CRB1: variants seen among roughly 807,000 people sequenced by gnomAD.
CRB1 encodes protein crumbs homolog 1.
In CRB1, 83 loss-of-function variants were observed where a neutral mutation model predicts 120.0. That is an observed-to-expected ratio of 0.69 (90% CI 0.58 to 0.83). CRB1 has a LOEUF of 0.83. CRB1 is among the 40% of genes least tolerant of loss of function. CRB1 has a pLI of 0.00. For missense variants in CRB1, 1,699 were observed against 1,687.6 expected, an observed-to-expected ratio of 1.01 and a Z score of -0.12; for synonymous variants, 625 against 612.5, an observed-to-expected ratio of 1.02 and a Z score of -0.30.
chr1:197,317,101 G>T (rs1657899024), intron 1 of CRB1, among the ~76,000 whole-genome samples: 1 of 152,154 alleles, frequency 6.6e-6, no homozygotes, highest in African/African-American at 2.4e-5. Context: ...TGCACCTGCA[G>T]ATTCAGTGCA....
At chr1:197,354,806 A>C (rs1351941421) in intron 4 of CRB1, among the ~76,000 whole-genome samples, 9 of 55,588 alleles carry the variant, frequency 1.6e-4, no homozygotes, top group Admixed American at 2.9e-4. Context: ...TTATTCCCTT[A>C]TCTGCCCCCC....
chr1:197,281,222 G>C (rs1655503804), intron 1 of CRB1, among the ~76,000 whole-genome samples: 1 of 151,834 alleles, frequency 6.6e-6, no homozygotes, highest in Non-Finnish European at 1.5e-5. Flanking sequence ...GGACTTAATA[G>C]AAAAATGAAG....
At chr1:197,460,795 T>G (rs1666495115) in intron 11 of CRB1, among the ~76,000 whole-genome samples, 2 of 152,116 alleles carry the variant, frequency 1.3e-5, no homozygotes, top group South Asian at 4.1e-4. Context: ...ATTCTAGAAG[T>G]CTTAATATTT....
At chr1:197,383,701 T>A (rs1372612216) in intron 5 of CRB1, among the ~76,000 whole-genome samples, 2 of 152,206 alleles carry the variant, frequency 1.3e-5, no homozygotes, top group East Asian at 3.9e-4. Context: ...GTTTAGTTTT[T>A]CTTCCTCCAT....
At chr1:197,396,397 C>A (rs1182599996) in intron 5 of CRB1, among the ~76,000 whole-genome samples, 2 of 152,018 alleles carry the variant, frequency 1.3e-5, no homozygotes, top group South Asian at 2.1e-4. Flanking sequence ...TTAATTTTTG[C>A]AAATTTAATC....
At chr1:197,417,583 AAG>A (rs751583377) in intron 5 of CRB1, among the ~76,000 whole-genome samples, 1 of 152,212 alleles carries the variant, frequency 6.6e-6, no homozygotes, top group Middle Eastern at 3.2e-3. Context: ...CGCCAGTAAA[AAG>A]AGAGGCAACG....
chr1:197,282,943 T>C (rs1171209789), intron 1 of CRB1, among the ~76,000 whole-genome samples: 1 of 151,876 alleles, frequency 6.6e-6, no homozygotes, highest in Non-Finnish European at 1.5e-5. Flanking sequence ...GTCTTGATTC[T>C]GCATCACAAA....
intron 1 of CRB1, among the ~76,000 whole-genome samples, chr1:197,303,326 C>G (rs1238664652): frequency 2.4e-5 from 3 of 127,072 alleles, no homozygotes; most frequent in Non-Finnish European, 3.2e-5. Context: ...TGTTCCCCTT[C>G]CTGTGTCCAT....
intron 7 of CRB1, chr1:197,428,844 T>A: frequency 2.3e-6 from 2 of 877,360 alleles, no homozygotes; most frequent in Non-Finnish European, 3.4e-6. Context: ...CTAAATCATA[T>A]GTTAATAGTA....
At chr1:197,348,609 T>G (rs1377907841) in intron 4 of CRB1, among the ~76,000 whole-genome samples, 1 of 152,148 alleles carries the variant, frequency 6.6e-6, no homozygotes, top group Non-Finnish European at 1.5e-5. Context: ...CCCGAGTAGC[T>G]GGTACTACAG....
the CRB1 span, among the ~76,000 whole-genome samples, chr1:197,257,134 G>C: frequency 2.0e-5 from 3 of 151,962 alleles, no homozygotes; most frequent in African/African-American, 7.3e-5. Context: ...CCTGAAAACT[G>C]GGGGGTGCCG....
At chr1:197,405,105 A>G (rs1663278493) in intron 5 of CRB1, among the ~76,000 whole-genome samples, 2 of 147,856 alleles carry the variant, frequency 1.4e-5, no homozygotes, top group African/African-American at 2.5e-5. Context: ...CTCTCTTTCC[A>G]CGGTCTCCCT....
chr1:197,338,831 A>G (rs1403444796), intron 2 of CRB1, among the ~76,000 whole-genome samples: 1 of 152,042 alleles, frequency 6.6e-6, no homozygotes, highest in African/African-American at 2.4e-5. Flanking sequence ...GTATCATCAG[A>G]TTTAATACAT....
intron 1 of CRB1, among the ~76,000 whole-genome samples, chr1:197,277,992 G>C (rs946112675): frequency 3.3e-5 from 5 of 151,916 alleles, no homozygotes; most frequent in African/African-American, 1.2e-4. Flanking sequence ...CAACATCTTA[G>C]TGTTAAAACA....
chr1:197,438,750 C>T lies in CRB1; in HGVS notation c.3878+75C>T, dbSNP rs1482503957. The T allele has an allele frequency of 1.3e-5, 21 of 1,571,124 alleles. No homozygotes were observed. In the African/African-American group the frequency reaches 2.4e-4, roughly 18 times the overall value. Reference sequence around the variant, plus strand: ...TGGGATTACTCAAAGTTCATTTTCTCCTCTAATTTTTTATCTCAGTTCCCA... The same window carrying T: ...TGGGATTACTCAAAGTTCATTTTCTTCTCTAATTTTTTATCTCAGTTCCCA... On this transcript the variant is annotated intron_variant, in intron 10 of 11. Coordinates refer to ENST00000367400, the MANE Select transcript of CRB1 (RefSeq NM_201253.3).
chr1:197,344,629 A>G (rs1422742026), intron 3 of CRB1, among the ~76,000 whole-genome samples, 153 bp downstream of exon 3: 1 of 152,196 alleles, frequency 6.6e-6, no homozygotes, highest in Admixed American at 6.5e-5. Flanking sequence ...GATTTCACTA[A>G]AAAGGGTATT....
At chr1:197,384,670 A>G (rs1662124525) in intron 5 of CRB1, among the ~76,000 whole-genome samples, 1 of 151,754 alleles carries the variant, frequency 6.6e-6, no homozygotes, top group African/African-American at 2.4e-5. Flanking sequence ...CCAAATGAGA[A>G]CCGAAATACA....
chr1:197,473,750 A>C (rs1410772428), intron 11 of CRB1, among the ~76,000 whole-genome samples: 1 of 152,022 alleles, frequency 6.6e-6, no homozygotes, highest in Non-Finnish European at 1.5e-5. Context: ...CTCGTCCTGC[A>C]CCTGGAGGCC....
rs1257810188 is a variant in CRB1 at position 197,344,562 on chromosome 1, C to A, written c.848+86C>A. On this transcript the variant is annotated intron_variant, in intron 3 of 11. Transcript: ENST00000367400. ...CACTCTGTTGAATTTAGAGCTCTCA[C>A]GTTCTCGGCTTAAAATTTGGGGTGT... 3.1e-6 allele frequency: 4 copies of A among 1,303,706 alleles called. No homozygotes were observed. The Admixed American group carries it at 5.1e-5, about 17-fold the overall frequency. 80.8% of individuals were successfully genotyped at this position (1,303,706 alleles called of 1,614,324 possible).
Sources: allele counts gnomAD v4.1 joint callset (sites outside exome capture counted in the v4.1 genomes callset), GRCh38; gene constraint gnomAD v4.1.1; transcripts MANE v1.5; gene names NCBI Gene and HGNC (gene_info 2026-07-23, HGNC 2026-07-21).